DNM3: variants seen among roughly 807,000 people sequenced by gnomAD.
DNM3 encodes the protein dynamin 3, also known as dynamin-3.
A neutral mutation model predicts 101.6 loss-of-function variants in DNM3; 47 were observed. That is an observed-to-expected ratio of 0.46 (90% confidence interval 0.37 to 0.59). DNM3 has a LOEUF of 0.59. Ranked by LOEUF, DNM3 falls within the 20% of genes least tolerant of loss-of-function variation. DNM3 has a pLI of 0.00. For missense variants in DNM3, 849 were observed against 1,085.7 expected, an observed-to-expected ratio of 0.78 and a Z score of 3.06; for synonymous variants, 385 against 387.9, an observed-to-expected ratio of 0.99 and a Z score of 0.09.
At chr1:172,040,111 A>C (rs777740525) in intron 7 of DNM3, among the ~76,000 whole-genome samples, 7 of 152,120 alleles carry the variant, frequency 4.6e-5, no homozygotes, top group Non-Finnish European at 8.8e-5. Flanking sequence ...CTTTGGTAAC[A>C]TTTGTTCTCG....
At chr1:171,910,854 A>G (rs2125274906) in intron 1 of DNM3, among the ~76,000 whole-genome samples, 1 of 152,294 alleles carries the variant, frequency 6.6e-6, no homozygotes, top group Non-Finnish European at 1.5e-5. Flanking sequence ...GTACTTTTGG[A>G]AAAAACAGGA....
chr1:171,914,246 C>G (rs924812105), intron 1 of DNM3, among the ~76,000 whole-genome samples: 1 of 152,170 alleles, frequency 6.6e-6, no homozygotes, highest in African/African-American at 2.4e-5. Context: ...CAACCTCCGC[C>G]TCCTGGGTTC....
rs944958999 is a variant in DNM3 at position 171,981,269 on chromosome 1, A to G, written c.236-6387A>G. Among the ~76,000 whole-genome samples, 40 of 152,228 alleles carry G rather than the reference A, an allele frequency of 2.6e-4. 1 individual carries two copies. The highest frequency in any genetic ancestry group is 2.5e-4 in the Non-Finnish European group (17 of 68,046). ...CTGTTTTCACTGGAGCCCTGTGCTC[A>G]CAAAACATTGCTATTAAAACATTTC... On this transcript the variant is annotated intron_variant, in intron 2 of 20. Transcript: ENST00000627582.
chr1:172,048,742 A>T lies in DNM3; in HGVS notation c.1327A>T (p.Thr443Ser). 1.9e-6 allele frequency: 3 copies of T among 1,611,634 alleles called. No homozygotes were observed. In the South Asian group the frequency reaches 3.3e-5, roughly 18 times the overall value. Residue 443 changes from threonine (T) to serine (S), a missense_variant, in exon 10 of 21, where the codon ACC becomes TCC. Around this residue, in one of 5 missense-constraint regions of DNM3, gnomAD observed 193 missense variants for 238.4 expected, o/e 0.81. Coordinates refer to ENST00000627582, the MANE Select transcript of DNM3 (RefSeq NM_015569.5). The stretch of plus-strand genomic sequence containing the variant: ...ATTAATCAACACTGTGAAGAAGTGT[A>T]CCAAAAAAGTAAGTTCGAATTATTT... ...QELINTVKKC[T>S]KKLANFPRLC...
At chr1:171,890,265 G>A (rs1024153497) in intron 1 of DNM3, among the ~76,000 whole-genome samples, 11 of 152,062 alleles carry the variant, frequency 7.2e-5, no homozygotes, top group African/African-American at 2.7e-4. Context: ...TTTATTTTAA[G>A]ACTTGGCTTT....
intron 13 of DNM3, among the ~76,000 whole-genome samples, chr1:172,127,951 A>G (rs2056735783): frequency 6.6e-6 from 1 of 152,106 alleles, no homozygotes; most frequent in Non-Finnish European, 1.5e-5. Context: ...TCCTTGTCCC[A>G]CCACCACACT....
chr1:172,008,900 TA>T (rs2046896541), intron 4 of DNM3, among the ~76,000 whole-genome samples: 1 of 138,378 alleles, frequency 7.2e-6, no homozygotes, highest in Admixed American at 7.8e-5. Flanking sequence ...AAAATATTAA[TA>T]AATATATCAT....
At chr1:172,157,131 T>C (rs1351531991) in intron 14 of DNM3, among the ~76,000 whole-genome samples, 2 of 152,116 alleles carry the variant, frequency 1.3e-5, no homozygotes, top group African/African-American at 4.8e-5. Context: ...CAACTTATCA[T>C]AACGTAGAAT....
At chr1:172,016,426 T>A (rs1429552964) in intron 4 of DNM3, among the ~76,000 whole-genome samples, 2 of 152,226 alleles carry the variant, frequency 1.3e-5, no homozygotes, top group Non-Finnish European at 2.9e-5. Flanking sequence ...TGGATTACAT[T>A]AATTGATTTT....
chr1:172,211,224 G>GAGA (rs1461232457), intron 14 of DNM3, among the ~76,000 whole-genome samples: 1 of 152,100 alleles, frequency 6.6e-6, no homozygotes, highest in Non-Finnish European at 1.5e-5. Flanking sequence ...AAAGAAGACA[G>GAGA]AGAGCGAGAT....
intron 10 of DNM3, among the ~76,000 whole-genome samples, chr1:172,065,870 T>C (rs184478597): frequency 2.3e-3 from 348 of 152,342 alleles, no homozygotes; most frequent in Non-Finnish European, 3.6e-3. Context: ...CACTTTATAG[T>C]ATCTGTGCAA....
At chr1:172,189,533 T>G (rs945373789) in intron 14 of DNM3, among the ~76,000 whole-genome samples, 1 of 152,072 alleles carries the variant, frequency 6.6e-6, no homozygotes, top group Admixed American at 6.6e-5. Context: ...TTTATTTCAC[T>G]AGAGTTTCAT....
intron 14 of DNM3, among the ~76,000 whole-genome samples, chr1:172,192,700 A>G (rs200474032): frequency 6.6e-6 from 1 of 151,870 alleles, no homozygotes; most frequent in East Asian, 1.9e-4. Flanking sequence ...TACAAAGGAC[A>G]TGAACTCATC....
chr1:172,358,681 TAGA>T (rs2067574501), intron 17 of DNM3, among the ~76,000 whole-genome samples: 1 of 152,122 alleles, frequency 6.6e-6, no homozygotes, highest in South Asian at 2.1e-4. Flanking sequence ...GCCTGGCTTT[TAGA>T]AGGAGTCTCT....
intron 14 of DNM3, among the ~76,000 whole-genome samples, chr1:172,177,783 A>G (rs1037790058): frequency 3.3e-5 from 5 of 151,890 alleles, no homozygotes; most frequent in Non-Finnish European, 5.9e-5. Context: ...TTTGGTATCC[A>G]TAAGACAAAC....
intron 17 of DNM3, among the ~76,000 whole-genome samples, chr1:172,357,665 A>C (rs1282729549): frequency 6.6e-6 from 1 of 152,234 alleles, no homozygotes; most frequent in East Asian, 1.9e-4. Flanking sequence ...TACAATGTCA[A>C]TTTCCTTATC....
chr1:172,261,876 G>A (rs2062667811), intron 15 of DNM3, among the ~76,000 whole-genome samples: 1 of 152,144 alleles, frequency 6.6e-6, no homozygotes, highest in Admixed American at 6.5e-5. Context: ...TGATCTTCAG[G>A]CCCCTGGAAA....
chr1:171,865,515 C>CAAAAAAAAAAAAAAAAAAA (rs57826674), intron 1 of DNM3, among the ~76,000 whole-genome samples: 3 of 80,664 alleles, frequency 3.7e-5, no homozygotes, highest in African/African-American at 9.4e-5. Context: ...GATCCTGTCT[C>CAAAAAAAAAAAAAAAAAAA]AAAAAAAAAA....
At chr1:172,098,438 T>C (rs553791596) in intron 13 of DNM3, among the ~76,000 whole-genome samples, 1 of 152,228 alleles carries the variant, frequency 6.6e-6, no homozygotes, top group African/African-American at 2.4e-5. Flanking sequence ...TGTTATCCTG[T>C]TCTTTTTTCA....
Sources: gnomAD v4.1 joint callset for allele counts (sites outside exome capture counted in the v4.1 genomes callset) on GRCh38, gnomAD v4.1.1 for gene constraint, gnomAD v4.1.1 regional missense constraint, MANE v1.5 for transcripts, NCBI Gene and HGNC (gene_info 2026-07-23, HGNC 2026-07-21) for gene names.